FKBP15: variants seen among roughly 807,000 people sequenced by gnomAD.
FKBP15 encodes the protein FK506-binding protein 15.
FKBP15 carries 106 observed loss-of-function variants against 158.1 expected under a neutral mutation model. The ratio of observed to expected loss-of-function variants is 0.67; its 90% CI spans 0.57 to 0.79. FKBP15 has a LOEUF of 0.79. Among genes scored for constraint, FKBP15 ranks in the 30% least tolerant of loss-of-function variants. FKBP15 has a pLI of 0.00. For synonymous variants in FKBP15, 547 were observed against 548.6 expected (o/e 1.00, Z 0.04); for missense variants, 1,287 against 1,479.1 (o/e 0.87, Z 2.13).
intron 17 of FKBP15, 131 bp from the exon 18 acceptor site, chr9:113,183,976 C>T (rs1184074380): frequency 5.9e-6 from 4 of 678,344 alleles, no homozygotes; most frequent in Non-Finnish European, 1.0e-5. Context: ...CTTATGTCCA[C>T]ATGTATGTTA....
chr9:113,181,497 T>C (rs1830395027), intron 19 of FKBP15, among the ~76,000 whole-genome samples: 1 of 152,186 alleles, frequency 6.6e-6, no homozygotes, highest in Admixed American at 6.5e-5. Context: ...TTCCTACACC[T>C]GGAATCTATA....
At chr9:113,196,313 A>G (rs139402302) in intron 9 of FKBP15, among the ~76,000 whole-genome samples, 1 of 152,306 alleles carries the variant, frequency 6.6e-6, no homozygotes, top group African/African-American at 2.4e-5. Flanking sequence ...CACTAAGTAA[A>G]AAGAATATAC....
chr9:113,220,386 C>T (rs551388679), intron 1 of FKBP15, among the ~76,000 whole-genome samples: 2 of 152,310 alleles, frequency 1.3e-5, no homozygotes, highest in African/African-American at 2.4e-5. Context: ...AAAGGCTAAA[C>T]TGACTACTAA....
At chr9:113,189,671 T>C (rs1314301236) in intron 12 of FKBP15, among the ~76,000 whole-genome samples, 1 of 151,762 alleles carries the variant, frequency 6.6e-6, no homozygotes, top group African/African-American at 2.4e-5. Flanking sequence ...CCAGAAAAAA[T>C]TTTTTCAAGA....
chr9:113,199,869 T>A lies in FKBP15; in HGVS notation c.593A>T (p.Asp198Val). ...VADGPAVEVG[D>V]SLEVAYTGWL... ...GCCGGTATAGGCCACTTCCAAAGAA[T>A]CTCCAACTTCTACAGCAGGGCCGTC... The change falls in exon 7 of 28, where the codon GAT (aspartate) becomes GTT (valine). Residue 198 changes from aspartate to valine, a missense_variant. Physicochemically the swap from Asp to Val is radical, Grantham distance 152. Transcript: ENST00000238256. The A allele has an allele frequency of 6.2e-7, 1 of 1,613,174 alleles. No homozygotes were observed. The highest frequency in any genetic ancestry group is 8.5e-7 in the Non-Finnish European group (1 of 1,179,612).
At chr9:113,207,107 G>T in intron 3 of FKBP15, 105 bp downstream of exon 3, 1 of 844,752 alleles carries the variant, frequency 1.2e-6, no homozygotes, top group Non-Finnish European at 2.0e-6. Context: ...TCCGTGGAAG[G>T]GCTAAATAAC....
intron 23 of FKBP15, among the ~76,000 whole-genome samples, chr9:113,172,592 T>TTCTA (rs1167854698): frequency 1.3e-5 from 2 of 152,084 alleles, no homozygotes; most frequent in Non-Finnish European, 1.5e-5. Context: ...CCTCAGAGAG[T>TTCTA]TCTATCTCCT....
At chr9:113,195,517 T>C (rs1830659079) in intron 9 of FKBP15, among the ~76,000 whole-genome samples, 1 of 152,132 alleles carries the variant, frequency 6.6e-6, no homozygotes, top group Admixed American at 6.5e-5. Flanking sequence ...AGGGCGTATG[T>C]CATTGAAAGA....
Position 113,182,796 on chromosome 9 carries a change from C to T in FKBP15, c.1884G>A (p.Gln628=), listed in dbSNP as rs748474634. 6.2e-7 allele frequency: 1 copy of T among 1,613,742 alleles called. No homozygotes were observed. Among genetic ancestry groups the T allele is most frequent in the Non-Finnish European group, 8.5e-7 (1 of 1,179,692 alleles). The change falls in exon 19 of 28, where the codon CAG becomes CAA. Residue 628 remains glutamine, a synonymous_variant. Transcript: ENST00000238256. ...NSLQTATENT[Q]ARVLHAEQEK... is the part of the protein sequence containing the mutation. ...CTTGTTCAGCATGCAATACTCTTGC[C>T]TGTGTGTTTTCTGTGGCTGTCTGAA...
chr9:113,172,781 C>T (rs1030833849), intron 23 of FKBP15, among the ~76,000 whole-genome samples: 1 of 152,206 alleles, frequency 6.6e-6, no homozygotes, highest in Non-Finnish European at 1.5e-5. Context: ...TGCAAGATTG[C>T]CTCCAAGATC....
chr9:113,196,793 C>G, intron 9 of FKBP15, 139 bp downstream of exon 9: 1 of 1,053,654 alleles, frequency 9.5e-7, no homozygotes, highest in East Asian at 2.6e-5. Flanking sequence ...TTTCTGACTA[C>G]TCCATTTCTA....
intron 1 of FKBP15, among the ~76,000 whole-genome samples, chr9:113,212,416 T>G (rs1020190807): frequency 1.1e-4 from 17 of 152,272 alleles, no homozygotes; most frequent in African/African-American, 3.9e-4. Context: ...CTCGAACTCC[T>G]GACCTCAAGT....
In FKBP15 at chr9:113,166,016, C is replaced by T; in HGVS notation, c.*62G>A. 6.6e-7 allele frequency: 1 copy of T among 1,507,588 alleles called. No homozygotes were observed. The highest frequency in any genetic ancestry group is 9.1e-7 in the Non-Finnish European group (1 of 1,100,518). The allele number at this position is 1,507,588 out of a possible 1,614,324, so 93.4% of individuals were successfully genotyped here. On this transcript the variant is annotated 3_prime_UTR_variant, in exon 28 of 28. Coordinates refer to ENST00000238256, the MANE Select transcript of FKBP15 (RefSeq NM_015258.2). The stretch of plus-strand genomic sequence containing the variant: ...GTGGTTCGCCTAGACCCAGGGTTGG[C>T]TGTGCAAAATCATGCTTAGGGAAGG...
chr9:113,216,721 G>A (rs1831142129), intron 1 of FKBP15, among the ~76,000 whole-genome samples: 1 of 152,178 alleles, frequency 6.6e-6, no homozygotes. Context: ...GTTAGCTTCA[G>A]TAAACCATGA....
rs540980107 is a variant in FKBP15, at chr9:113,199,785, A to G, written c.648+29T>C. 17 of 1,601,674 alleles carry G rather than the reference A, an allele frequency of 1.1e-5. No homozygotes were observed. The Admixed American group carries it at 2.8e-4, about 26-fold the overall frequency. On this transcript the variant is annotated intron_variant, in intron 7 of 27. Transcript: ENST00000238256. The stretch of plus-strand genomic sequence containing the variant: ...TAGCCCTCATGCTATATAAGTTTAC[A>G]AAAGAACTTGCAGGGTGCATTTTCT...
intron 15 of FKBP15, 101 bp downstream of exon 15, chr9:113,186,148 A>G (rs1830481110): frequency 1.3e-6 from 1 of 749,678 alleles, no homozygotes; most frequent in South Asian, 1.7e-5. Context: ...AAGAGAAGAA[A>G]CAATGAGTAG....
Position 113,187,725 on chromosome 9 carries a change from G to A in FKBP15, c.1383+68C>T, listed in dbSNP as rs776182536. The A allele has an allele frequency of 8.0e-6, 10 of 1,256,904 alleles. No individual in the cohort carries two copies. In the African/African-American group the frequency reaches 1.5e-4, roughly 19 times the overall value. 77.9% of individuals were successfully genotyped at this position (1,256,904 alleles called of 1,614,324 possible). ...TGCTACTGTATGAAATGTACAGGAA[G>A]AAGAAAAGAGACTGACTAGAACCAC... On this transcript the variant is annotated intron_variant, in intron 14 of 27. Transcript: ENST00000238256.
chr9:113,201,284 C>G (rs1388236473), intron 6 of FKBP15, among the ~76,000 whole-genome samples: 2 of 151,842 alleles, frequency 1.3e-5, no homozygotes, highest in African/African-American at 4.8e-5. Context: ...CACTCACTTA[C>G]TGAAATAAAG....
intron 10 of FKBP15, 63 bp from the exon 11 acceptor site, chr9:113,193,612 A>G: frequency 7.5e-7 from 1 of 1,335,556 alleles, no homozygotes; most frequent in Non-Finnish European, 1.1e-6. Context: ...AGTCCAAATT[A>G]TATTGGATAA....
Sources: gnomAD v4.1 joint callset for allele counts (sites outside exome capture counted in the v4.1 genomes callset) on GRCh38, gnomAD v4.1.1 for gene constraint, MANE v1.5 for transcripts, NCBI Gene and HGNC (gene_info 2026-07-23, HGNC 2026-07-21) for gene names.